Variants in IMMP2L observed in about 807,000 individuals in gnomAD.
IMMP2L encodes inner mitochondrial membrane peptidase subunit 2, also known as mitochondrial inner membrane protease subunit 2.
In IMMP2L, 18 loss-of-function variants were observed where a neutral mutation model predicts 19.3. The ratio of observed to expected loss-of-function variants is 0.93; its 90% CI spans 0.64 to 1.38. The LOEUF is 1.38. Ranked by LOEUF, IMMP2L falls within the 40% of genes most tolerant of loss-of-function variation. The pLI, the probability that IMMP2L is intolerant of heterozygous loss-of-function variation, is 0.00. For synonymous variants in IMMP2L, 76 were observed against 73.0 expected, an observed-to-expected ratio of 1.04 and a Z score of -0.21; for missense variants, 233 against 218.2, an observed-to-expected ratio of 1.07 and a Z score of -0.43.
intron 5 of IMMP2L, among the ~76,000 whole-genome samples, chr7:110,839,482 G>A (rs961938943): frequency 6.6e-6 from 1 of 151,972 alleles, no homozygotes; most frequent in Middle Eastern, 3.2e-3. Flanking sequence ...AGAGAATGTT[G>A]AGTATGTAGT....
At chr7:110,829,192 T>C (rs769494534) in intron 5 of IMMP2L, among the ~76,000 whole-genome samples, 1 of 152,066 alleles carries the variant, frequency 6.6e-6, no homozygotes, top group Admixed American at 6.6e-5. Flanking sequence ...ATAAACAACA[T>C]AAAATGGGGA....
Position 110,865,388 on chromosome 7 carries a change from C to A in IMMP2L, c.408+21205G>T, listed in dbSNP as rs542949789. 7.9e-4 allele frequency among the ~76,000 whole-genome samples: 120 copies of A among 152,150 alleles called. No individual in the cohort carries two copies. The Middle Eastern group carries it at 0.014, about 17-fold the overall frequency. On this transcript the variant is annotated intron_variant, in intron 5 of 5. Coordinates refer to ENST00000405709, the MANE Select transcript of IMMP2L (RefSeq NM_032549.4). ...CAGCTTTTCCCATCTTGCCTACTCTCCAGTGTTAGCCTTCATTTCGCTCTT... is the reference window on the plus strand; with the variant it reads ...CAGCTTTTCCCATCTTGCCTACTCTACAGTGTTAGCCTTCATTTCGCTCTT...
At chr7:111,117,778 G>A (rs1278623870) in intron 3 of IMMP2L, among the ~76,000 whole-genome samples, 2 of 151,990 alleles carry the variant, frequency 1.3e-5, no homozygotes, top group Non-Finnish European at 2.9e-5. Flanking sequence ...ATTTGCTATA[G>A]AAGAAAAGGA....
At chr7:111,274,120 GA>G (rs948051247) in intron 3 of IMMP2L, among the ~76,000 whole-genome samples, 1 of 151,804 alleles carries the variant, frequency 6.6e-6, no homozygotes, top group Non-Finnish European at 1.5e-5. Flanking sequence ...TTCCCAGGGG[GA>G]AAAAATCAAT....
intron 2 of IMMP2L, among the ~76,000 whole-genome samples, chr7:111,520,053 T>A (rs1028826913): frequency 6.6e-6 from 1 of 152,104 alleles, no homozygotes; most frequent in Non-Finnish European, 1.5e-5. Flanking sequence ...CCCTAAGGAT[T>A]GAGTCTAAGA....
intron 5 of IMMP2L, among the ~76,000 whole-genome samples, chr7:110,770,634 A>G (rs745333832): frequency 3.3e-5 from 5 of 152,124 alleles, no homozygotes; most frequent in Non-Finnish European, 7.4e-5. Context: ...AAACGTTCCT[A>G]TTGAGCAGAT....
At chr7:111,387,975 TAAAAAAAAAAAA>T (rs750267136) in intron 3 of IMMP2L, among the ~76,000 whole-genome samples, 2 of 93,424 alleles carry the variant, frequency 2.1e-5, no homozygotes, top group African/African-American at 4.6e-5. Flanking sequence ...ACTCTGTCTT[TAAAAAAAAAAAA>T]AAAAAAAAAA....
chr7:110,923,843 T>G (rs2129550792), intron 4 of IMMP2L, among the ~76,000 whole-genome samples: 1 of 152,306 alleles, frequency 6.6e-6, no homozygotes, highest in South Asian at 2.1e-4. Flanking sequence ...AGACTAAAAC[T>G]GATTTCTCAG....
chr7:111,130,607 T>G (rs1335340213), intron 3 of IMMP2L, among the ~76,000 whole-genome samples: 1 of 152,074 alleles, frequency 6.6e-6, no homozygotes, highest in Non-Finnish European at 1.5e-5. Flanking sequence ...GAACATAAAT[T>G]AACCCTCTTA....
At chr7:110,754,274 A>C (rs1013912968) in intron 5 of IMMP2L, among the ~76,000 whole-genome samples, 9 of 152,056 alleles carry the variant, frequency 5.9e-5, no homozygotes, top group Admixed American at 5.9e-4. Context: ...CCCAATTAAT[A>C]TAATCAGTGA....
chr7:111,355,341 A>G (rs1828591642), intron 3 of IMMP2L, among the ~76,000 whole-genome samples: 2 of 151,814 alleles, frequency 1.3e-5, no homozygotes, highest in South Asian at 4.1e-4. Context: ...TATATAAATT[A>G]ATTATGAAAA....
chr7:111,355,756 A>AT (rs138432746), intron 3 of IMMP2L, among the ~76,000 whole-genome samples: 2 of 152,000 alleles, frequency 1.3e-5, no homozygotes, highest in East Asian at 1.9e-4. Context: ...ATTTGAAGCT[A>AT]TTTTTTTAAC....
chr7:110,854,605 ATAACAT>A (rs1232581344), intron 5 of IMMP2L, among the ~76,000 whole-genome samples: 2 of 152,012 alleles, frequency 1.3e-5, no homozygotes, highest in Non-Finnish European at 2.9e-5. Flanking sequence ...GCCAGATGAA[ATAACAT>A]TAACAGATAA....
In IMMP2L at chr7:111,317,869, T is replaced by C. The variant is rs995947101; in HGVS notation, c.239+169369A>G. ...AACCTGTTAGAGTTAAGTGAAACTTTGAAAATTCCAGGAAAGGTTCAATAA... is the reference window on the plus strand; with the variant it reads ...AACCTGTTAGAGTTAAGTGAAACTTCGAAAATTCCAGGAAAGGTTCAATAA... On this transcript the variant is annotated intron_variant, in intron 3 of 5. Transcript: ENST00000405709. Among the ~76,000 whole-genome samples, 10 of 152,306 alleles carry C rather than the reference T, an allele frequency of 6.6e-5. 1 individual carries two copies. Among genetic ancestry groups the C allele is most frequent in the South Asian group, 6.2e-4 (3 of 4,828 alleles).
intron 3 of IMMP2L, among the ~76,000 whole-genome samples, chr7:111,336,190 G>GT (rs150205320): frequency 0.016 from 2,413 of 150,600 alleles, 85 homozygotes; most frequent in African/African-American, 0.055. Context: ...GAGACTACAG[G>GT]TGTGTGCCGC....
chr7:111,016,331 T>C (rs1033150538), intron 3 of IMMP2L, among the ~76,000 whole-genome samples: 1 of 145,004 alleles, frequency 6.9e-6, no homozygotes, highest in African/African-American at 2.5e-5. Context: ...AGTCCAGTAA[T>C]TATATATATA....
chr7:110,985,010 T>G (rs997279661), intron 3 of IMMP2L, among the ~76,000 whole-genome samples: 2 of 151,100 alleles, frequency 1.3e-5, no homozygotes, highest in African/African-American at 4.9e-5. Flanking sequence ...AAAAAAAGAG[T>G]CAGAGAAAAA....
chr7:111,330,212 C>T (rs1455651162), intron 3 of IMMP2L, among the ~76,000 whole-genome samples: 2 of 151,430 alleles, frequency 1.3e-5, no homozygotes, highest in South Asian at 2.1e-4. Flanking sequence ...ACGTAAATTA[C>T]AAGATGCCCA....
At chr7:110,961,865 A>T (rs1337429052) in intron 4 of IMMP2L, among the ~76,000 whole-genome samples, 1 of 151,854 alleles carries the variant, frequency 6.6e-6, no homozygotes, top group Non-Finnish European at 1.5e-5. Flanking sequence ...AGAAGGCTAA[A>T]CTCTAGAGAC....
Sources: allele counts gnomAD v4.1 joint callset (sites outside exome capture counted in the v4.1 genomes callset), GRCh38; gene constraint gnomAD v4.1.1; transcripts MANE v1.5; gene names NCBI Gene and HGNC (gene_info 2026-07-23, HGNC 2026-07-21).